NDUFAF2: variants seen among roughly 807,000 people sequenced by gnomAD.
NDUFAF2 encodes the protein NADH dehydrogenase [ubiquinone] 1 alpha subcomplex assembly factor 2.
In NDUFAF2, 13 loss-of-function variants were observed where a neutral mutation model predicts 22.8. That is an observed-to-expected ratio of 0.57 (90% CI 0.37 to 0.91). The LOEUF (loss-of-function observed/expected upper bound fraction) is 0.91, where lower values mean the gene tolerates loss of function less well. Among genes scored for constraint, NDUFAF2 ranks in the 40% least tolerant of loss-of-function variants. NDUFAF2 has a pLI of 0.01. For missense variants in NDUFAF2, 162 were observed against 195.2 expected, an observed-to-expected ratio of 0.83 and a Z score of 1.01; for synonymous variants, 53 against 64.2, an observed-to-expected ratio of 0.83 and a Z score of 0.84.
At chr5:61,003,809 C>T (rs1751330111) in intron 1 of NDUFAF2, among the ~76,000 whole-genome samples, 1 of 151,780 alleles carries the variant, frequency 6.6e-6, no homozygotes, top group African/African-American at 2.4e-5. Flanking sequence ...AGGCATGTGC[C>T]ACCATGCCTG....
At chr5:61,145,321 C>T (rs530919958) in intron 3 of NDUFAF2, among the ~76,000 whole-genome samples, 1 of 152,246 alleles carries the variant, frequency 6.6e-6, no homozygotes, top group South Asian at 2.1e-4. Context: ...AACTACATTA[C>T]AAAAACAATG....
At chr5:60,997,188 G>C (rs915293147) in intron 1 of NDUFAF2, among the ~76,000 whole-genome samples, 1 of 152,186 alleles carries the variant, frequency 6.6e-6, no homozygotes, top group South Asian at 2.1e-4. Context: ...ATTAACAGCA[G>C]TAGCCCAAAT....
At chr5:61,149,137 A>G (rs1741190899) in intron 3 of NDUFAF2, among the ~76,000 whole-genome samples, 1 of 152,000 alleles carries the variant, frequency 6.6e-6, no homozygotes, top group East Asian at 1.9e-4. Flanking sequence ...CACCTGGCTA[A>G]TTTGTGTATT....
rs530088615 is a variant in NDUFAF2, at chr5:60,978,362, A to G, written c.127+32980A>G. On this transcript the variant is annotated intron_variant, in intron 1 of 3. Transcript: ENST00000296597. ...AGAAATACCTGAGACTGGGTAATTT[A>G]TGGAGAAAAGAGGTTTAACTGGCTC... Among the ~76,000 whole-genome samples, 21 of 152,294 alleles carry G rather than the reference A, an allele frequency of 1.4e-4. No homozygotes were observed. In the South Asian group the frequency reaches 2.5e-3, roughly 18 times the overall value.
intron 1 of NDUFAF2, among the ~76,000 whole-genome samples, chr5:61,034,509 A>C (rs959918072): frequency 6.6e-6 from 1 of 152,204 alleles, no homozygotes; most frequent in African/African-American, 2.4e-5. Context: ...GACCACTGTC[A>C]TAGATGTGGT....
intron 3 of NDUFAF2, among the ~76,000 whole-genome samples, chr5:61,117,756 A>G (rs899245137): frequency 1.2e-4 from 18 of 152,156 alleles, no homozygotes; most frequent in Non-Finnish European, 2.6e-4. Context: ...GCAGGGTATC[A>G]GATAGCAAAT....
At chr5:61,022,702 T>C (rs1751599553) in intron 1 of NDUFAF2, among the ~76,000 whole-genome samples, 1 of 152,222 alleles carries the variant, frequency 6.6e-6, no homozygotes, top group African/African-American at 2.4e-5. Flanking sequence ...TGGAGTGTAG[T>C]GGCGTGATCT....
At chr5:60,978,652 C>T (rs1750935222) in intron 1 of NDUFAF2, among the ~76,000 whole-genome samples, 1 of 152,216 alleles carries the variant, frequency 6.6e-6, no homozygotes, top group Admixed American at 6.5e-5. Flanking sequence ...CAGGTCCCAT[C>T]TCCAACATTG....
At chr5:61,005,566 C>T (rs559744370) in intron 1 of NDUFAF2, among the ~76,000 whole-genome samples, 122 of 152,244 alleles carry the variant, frequency 8.0e-4, no homozygotes, top group African/African-American at 2.2e-3. Context: ...AGTGTAAAAG[C>T]GTTCCTATTT....
intron 2 of NDUFAF2, among the ~76,000 whole-genome samples, chr5:61,081,888 C>T (rs1440869556): frequency 6.6e-6 from 1 of 152,194 alleles, no homozygotes; most frequent in Non-Finnish European, 1.5e-5. Context: ...AAATATATTT[C>T]TTCATCAGCA....
intron 1 of NDUFAF2, among the ~76,000 whole-genome samples, chr5:60,962,530 T>C (rs1021281635): frequency 1.3e-5 from 2 of 152,300 alleles, no homozygotes; most frequent in East Asian, 3.9e-4. Flanking sequence ...ATTCACCTTG[T>C]GCTACATTCA....
intron 1 of NDUFAF2, among the ~76,000 whole-genome samples, chr5:61,016,915 G>A (rs1751518631): frequency 6.6e-6 from 1 of 152,170 alleles, no homozygotes; most frequent in African/African-American, 2.4e-5. Context: ...GCCACACTTG[G>A]TAAGATCAGG....
intron 1 of NDUFAF2, among the ~76,000 whole-genome samples, chr5:60,961,910 A>G (rs1413992118): frequency 1.3e-5 from 2 of 151,734 alleles, no homozygotes; most frequent in East Asian, 3.9e-4. Context: ...ACAGTTAACT[A>G]TGATTGCATC....
chr5:60,996,468 A>G (rs1751230291), intron 1 of NDUFAF2, among the ~76,000 whole-genome samples: 1 of 152,022 alleles, frequency 6.6e-6, no homozygotes, highest in Non-Finnish European at 1.5e-5. Context: ...AAACAGAAGG[A>G]AGGGGTCTAT....
intron 1 of NDUFAF2, among the ~76,000 whole-genome samples, chr5:60,979,815 G>T (rs1750952617): frequency 6.6e-6 from 1 of 152,194 alleles, no homozygotes; most frequent in Non-Finnish European, 1.5e-5. Context: ...GGACTTGAGA[G>T]AACATAGATG....
At chr5:61,012,538 A>AT (rs1332072291) in intron 1 of NDUFAF2, among the ~76,000 whole-genome samples, 5 of 151,970 alleles carry the variant, frequency 3.3e-5, no homozygotes, top group African/African-American at 4.8e-5. Context: ...GTACTTTATG[A>AT]TTTTTTAATT....
chr5:60,950,456 A>G (rs2112562287), intron 1 of NDUFAF2, among the ~76,000 whole-genome samples: 1 of 152,228 alleles, frequency 6.6e-6, no homozygotes, highest in East Asian at 1.9e-4. Flanking sequence ...AAGTGCTGGG[A>G]TTACAGGCAT....
At chr5:61,071,541 T>C (rs931876995) in intron 1 of NDUFAF2, among the ~76,000 whole-genome samples, 2 of 152,216 alleles carry the variant, frequency 1.3e-5, no homozygotes, top group Non-Finnish European at 2.9e-5. Context: ...TTACAGCTAA[T>C]AGAATATCAG....
At chr5:61,145,538 A>G (rs1287286113) in intron 3 of NDUFAF2, among the ~76,000 whole-genome samples, 1 of 152,182 alleles carries the variant, frequency 6.6e-6, no homozygotes, top group Non-Finnish European at 1.5e-5. Context: ...CATTCAAAGG[A>G]TTTGGGGATA....
Sources: allele counts gnomAD v4.1 joint callset (sites outside exome capture counted in the v4.1 genomes callset), GRCh38; gene constraint gnomAD v4.1.1; transcripts MANE v1.5; gene names NCBI Gene and HGNC (gene_info 2026-07-23, HGNC 2026-07-21).